Variants in WHRN observed in about 807,000 individuals in gnomAD.
WHRN encodes CASK-interacting protein CIP98.
A neutral mutation model predicts 68.3 loss-of-function variants in WHRN; 41 were observed. That is an observed-to-expected ratio of 0.60 (90% confidence interval 0.47 to 0.78). The LOEUF is 0.78. Ranked by LOEUF, WHRN falls within the 30% of genes least tolerant of loss-of-function variation. WHRN has a pLI of 0.00. For missense variants in WHRN, 1,243 were observed against 1,244.7 expected, an observed-to-expected ratio of 1.00 and a Z score of 0.02; for synonymous variants, 560 against 561.3, an observed-to-expected ratio of 1.00 and a Z score of 0.03.
At chr9:114,443,999 AC>A (rs1161731096) in intron 3 of WHRN, among the ~76,000 whole-genome samples, 2 of 152,240 alleles carry the variant, frequency 1.3e-5, no homozygotes, top group African/African-American at 2.4e-5. Flanking sequence ...CATGAGACTT[AC>A]TACCACGAGA....
intron 3 of WHRN, among the ~76,000 whole-genome samples, chr9:114,428,102 C>G (rs1199782998): frequency 6.6e-6 from 1 of 152,126 alleles, no homozygotes; most frequent in Non-Finnish European, 1.5e-5. Flanking sequence ...CTGAGGTGGG[C>G]AGATCACTTG....
chr9:114,471,003 C>T (rs1841170170), intron 2 of WHRN, among the ~76,000 whole-genome samples: 1 of 152,174 alleles, frequency 6.6e-6, no homozygotes, highest in African/African-American at 2.4e-5. Flanking sequence ...GCCACCTCCC[C>T]ATAAATTCTT....
intron 7 of WHRN, among the ~76,000 whole-genome samples, chr9:114,415,282 A>AC (rs372759913): frequency 5.2e-4 from 79 of 151,866 alleles, no homozygotes; most frequent in African/African-American, 1.9e-3. Flanking sequence ...TTAAAAAAAA[A>AC]AAAAACACAA....
chr9:114,476,287 A>T (rs1191092653), intron 2 of WHRN, among the ~76,000 whole-genome samples: 1 of 152,018 alleles, frequency 6.6e-6, no homozygotes, highest in Non-Finnish European at 1.5e-5. Flanking sequence ...TATATGAGTT[A>T]TTGAGACTCC....
intron 1 of WHRN, among the ~76,000 whole-genome samples, chr9:114,492,055 T>A (rs1191280002): frequency 6.7e-6 from 1 of 149,908 alleles, no homozygotes; most frequent in Non-Finnish European, 1.5e-5. Flanking sequence ...ATTTAAGTTA[T>A]GTAAATTAAA....
chr9:114,410,460 G>C (rs553833957), intron 7 of WHRN, among the ~76,000 whole-genome samples: 1 of 152,342 alleles, frequency 6.6e-6, no homozygotes, highest in South Asian at 2.1e-4. Context: ...GGAGTTGAGG[G>C]GGGTGGTGCT....
chr9:114,406,012 C>A (rs1834997665), intron 9 of WHRN, among the ~76,000 whole-genome samples: 2 of 152,240 alleles, frequency 1.3e-5, no homozygotes, highest in Non-Finnish European at 2.9e-5. Context: ...GGAAGCCACC[C>A]CTGCCCTCCA....
At chr9:114,406,965 G>A in intron 8 of WHRN, 73 bp from the exon 9 acceptor site, 1 of 1,520,454 alleles carries the variant, frequency 6.6e-7, no homozygotes, top group Non-Finnish European at 8.9e-7. Context: ...CCGAGCAGCT[G>A]AGTGGTGCCA....
At chr9:114,497,037 G>GT (rs1366233018) in intron 1 of WHRN, among the ~76,000 whole-genome samples, 1 of 152,208 alleles carries the variant, frequency 6.6e-6, no homozygotes, top group Non-Finnish European at 1.5e-5. Context: ...TGGCTGGGGA[G>GT]TTTGTTAATT....
chr9:114,461,051 G>C (rs1398242330), intron 3 of WHRN, among the ~76,000 whole-genome samples: 1 of 152,174 alleles, frequency 6.6e-6, no homozygotes, highest in African/African-American at 2.4e-5. Context: ...ACTGCGGAGG[G>C]GATTGAAGAT....
chr9:114,474,550 T>C (rs1352431110), intron 2 of WHRN, among the ~76,000 whole-genome samples: 2 of 152,160 alleles, frequency 1.3e-5, no homozygotes, highest in African/African-American at 4.8e-5. Context: ...CTCTAACCTC[T>C]GGATACTGTC....
chr9:114,473,677 G>T (rs936643761), intron 2 of WHRN, among the ~76,000 whole-genome samples: 1 of 152,196 alleles, frequency 6.6e-6, no homozygotes, highest in Non-Finnish European at 1.5e-5. Context: ...CTGGTTCATT[G>T]CCACATTAAC....
intron 7 of WHRN, among the ~76,000 whole-genome samples, chr9:114,417,097 C>G (rs946935093): frequency 5.9e-5 from 9 of 152,200 alleles, no homozygotes; most frequent in Non-Finnish European, 1.3e-4. Context: ...TGTGTGAAGG[C>G]AGCATAAAAT....
intron 1 of WHRN, among the ~76,000 whole-genome samples, chr9:114,493,342 C>T (rs1274197079): frequency 2.8e-5 from 3 of 106,598 alleles, no homozygotes; most frequent in African/African-American, 7.5e-5. Context: ...CAGAATAAGA[C>T]CCTATCTTTT....
intron 1 of WHRN, among the ~76,000 whole-genome samples, chr9:114,496,878 C>T (rs1010581930): frequency 2.0e-5 from 3 of 152,186 alleles, no homozygotes; most frequent in Non-Finnish European, 4.4e-5. Context: ...GTTGACCTTA[C>T]ACAAGTGGAA....
In WHRN at chr9:114,407,970, T is replaced by G. The variant is rs780218779; in HGVS notation, c.1675A>C (p.Asn559His). ...ETGEAVQGNI[N>H]ALPDVSVDDV... ...ACCACGGACACATCTGGGAGGGCGTTGATATTGCCCTGGACAGCCTCGCCA... is the reference window on the plus strand; with the variant it reads ...ACCACGGACACATCTGGGAGGGCGTGGATATTGCCCTGGACAGCCTCGCCA... The change falls in exon 8 of 12, where the codon AAC (asparagine) becomes CAC (histidine). Residue 559 changes from asparagine (N) to histidine (H), a missense_variant. Asn to His is a moderately conservative substitution (Grantham distance 68). Coordinates refer to ENST00000362057, the MANE Select transcript of WHRN (RefSeq NM_015404.4). 2 of 1,603,952 alleles carry G rather than the reference T, an allele frequency of 1.2e-6. No individual in the cohort carries two copies. The highest frequency in any genetic ancestry group is 4.5e-5 in the East Asian group (2 of 44,588).
chr9:114,476,414 C>G (rs1841654432), intron 2 of WHRN, among the ~76,000 whole-genome samples: 1 of 151,926 alleles, frequency 6.6e-6, no homozygotes, highest in Non-Finnish European at 1.5e-5. Context: ...ATTTTCAGTC[C>G]CCGAATGGCA....
intron 1 of WHRN, among the ~76,000 whole-genome samples, chr9:114,495,283 A>C (rs1371951167): frequency 6.6e-6 from 1 of 152,230 alleles, no homozygotes; most frequent in Non-Finnish European, 1.5e-5. Flanking sequence ...CCCGGTCAAC[A>C]GGATGGACAT....
intron 1 of WHRN, among the ~76,000 whole-genome samples, chr9:114,500,702 A>C (rs1263318986): frequency 6.6e-6 from 1 of 152,208 alleles, no homozygotes; most frequent in East Asian, 1.9e-4. Flanking sequence ...GGAGATTCAG[A>C]AGGCAAGTGA....
Sources: allele counts gnomAD v4.1 joint callset (sites outside exome capture counted in the v4.1 genomes callset), GRCh38; gene constraint gnomAD v4.1.1; transcripts MANE v1.5; gene names NCBI Gene and HGNC (gene_info 2026-07-23, HGNC 2026-07-21).